PDE10A: variants seen among roughly 807,000 people sequenced by gnomAD.
The protein encoded by PDE10A is cAMP and cAMP-inhibited cGMP 3',5'-cyclic phosphodiesterase 10A.
Under a neutral mutation model 97.7 loss-of-function variants are expected in PDE10A, and 39 were observed. That is an observed-to-expected ratio of 0.40 (90% CI 0.31 to 0.52). The LOEUF (loss-of-function observed/expected upper bound fraction) is 0.52. Among genes scored for constraint, PDE10A ranks in the 20% least tolerant of loss-of-function variants. The pLI, the probability that PDE10A is intolerant of heterozygous loss-of-function variation, is 0.56. For synonymous variants in PDE10A, 371 were observed against 376.8 expected (o/e 0.98, Z 0.18); for missense variants, 731 against 1,047.8 (o/e 0.70, Z 4.17).
At position 165,661,676 on chromosome 6, in the gene PDE10A, C is replaced by T. The variant is rs1180468370; in HGVS notation, c.865+271G>A. ...AGGAGGCGGCAGGTCCCGCTCGCAA[C>T]GTCCAAGCTCCCGCCGCCCTCCCGA... On this transcript the variant is annotated intron_variant, in intron 1 of 21. Transcript: ENST00000539869. The surrounding 1 kb of genome is among the most constrained non-coding windows in gnomAD (Gnocchi z 4.8). The T allele has an allele frequency of 2.4e-6, 1 of 419,812 alleles. No homozygotes were observed. Among genetic ancestry groups the T allele is most frequent in the Non-Finnish European group, 4.2e-6 (1 of 239,362 alleles). The allele number at this position is 419,812 out of a possible 1,614,324, so 26.0% of individuals were successfully genotyped here. A position where few individuals can be genotyped will look rare whatever the true frequency, so the allele number is the denominator to read the frequency against.
At chr6:165,855,014 A>C (rs1043204850) in intron 1 of PDE10A, among the ~76,000 whole-genome samples, 1 of 151,636 alleles carries the variant, frequency 6.6e-6, no homozygotes, top group Non-Finnish European at 1.5e-5. Flanking sequence ...TGAATGAATG[A>C]ATGAATGAAT....
intron 1 of PDE10A, among the ~76,000 whole-genome samples, chr6:165,943,247 G>GA (rs1362421412): frequency 9.8e-4 from 74 of 75,356 alleles, no homozygotes; most frequent in Non-Finnish European, 1.2e-3. Flanking sequence ...AGGAAGGAAG[G>GA]AAGGAAGGAA....
intron 1 of PDE10A, among the ~76,000 whole-genome samples, chr6:165,813,097 C>T (rs1347759667): frequency 6.6e-6 from 1 of 152,134 alleles, no homozygotes; most frequent in Non-Finnish European, 1.5e-5. Context: ...ACACGCTTGT[C>T]CTTTGCTATT....
At chr6:165,806,252 T>C (rs1779135895) in intron 1 of PDE10A, among the ~76,000 whole-genome samples, 1 of 152,070 alleles carries the variant, frequency 6.6e-6, no homozygotes, top group African/African-American at 2.4e-5. Flanking sequence ...TGTGTAAATA[T>C]GGAAACCCCC....
intron 1 of PDE10A, among the ~76,000 whole-genome samples, chr6:165,970,977 G>A (rs1165712252): frequency 4.6e-5 from 7 of 152,072 alleles, no homozygotes; most frequent in South Asian, 2.1e-4. Flanking sequence ...GCAAAGCCCC[G>A]TCTCTACTAA....
chr6:165,385,019 A>G (rs1785201213), intron 17 of PDE10A, among the ~76,000 whole-genome samples: 1 of 152,210 alleles, frequency 6.6e-6, no homozygotes, highest in Non-Finnish European at 1.5e-5. Flanking sequence ...TCTTTTGTGG[A>G]TAAACAGAAG....
chr6:165,972,875 T>A (rs529146105), intron 1 of PDE10A, among the ~76,000 whole-genome samples: 4 of 152,170 alleles, frequency 2.6e-5, no homozygotes, highest in African/African-American at 4.8e-5. Context: ...AAAAAATGTG[T>A]TTGACAAGAG....
At chr6:165,942,749 AGTGTGCT>A (rs1287291143) in intron 1 of PDE10A, among the ~76,000 whole-genome samples, 1 of 152,120 alleles carries the variant, frequency 6.6e-6, no homozygotes, top group Non-Finnish European at 1.5e-5. Context: ...TAACCTCGAC[AGTGTGCT>A]GGTAGGTATT....
chr6:165,807,570 G>C (rs1779173408), intron 1 of PDE10A, among the ~76,000 whole-genome samples: 1 of 152,114 alleles, frequency 6.6e-6, no homozygotes, highest in South Asian at 2.1e-4. Flanking sequence ...TGAGAATTGT[G>C]GCTAATGGAA....
intron 5 of PDE10A, among the ~76,000 whole-genome samples, 178 bp from the exon 6 acceptor site, chr6:165,435,555 A>G (rs898025843): frequency 2.0e-5 from 3 of 152,246 alleles, no homozygotes; most frequent in Non-Finnish European, 4.4e-5. Flanking sequence ...ACTATCTCAC[A>G]TTTCCACTTC....
chr6:165,398,104 G>C (rs1786320505), intron 13 of PDE10A, among the ~76,000 whole-genome samples: 1 of 152,056 alleles, frequency 6.6e-6, no homozygotes, highest in African/African-American at 2.4e-5. Flanking sequence ...TACTTTTGGA[G>C]ATAATGATCT....
At chr6:165,850,479 C>A (rs545787368) in intron 1 of PDE10A, among the ~76,000 whole-genome samples, 4 of 152,252 alleles carry the variant, frequency 2.6e-5, no homozygotes, top group African/African-American at 7.2e-5. Flanking sequence ...GTATATTGTA[C>A]CCCTCACACA....
chr6:165,844,368 T>A (rs1780348579), intron 1 of PDE10A, among the ~76,000 whole-genome samples: 1 of 152,202 alleles, frequency 6.6e-6, no homozygotes, highest in South Asian at 2.1e-4. Flanking sequence ...ACAGCGAGCC[T>A]TTCTCATGAA....
chr6:165,424,801 T>C (rs1018872738), intron 10 of PDE10A, among the ~76,000 whole-genome samples: 2 of 152,192 alleles, frequency 1.3e-5, no homozygotes, highest in Admixed American at 6.5e-5. Flanking sequence ...CATTGAGTAA[T>C]AATACAATTG....
At chr6:165,407,544 A>G (rs116848364) in intron 13 of PDE10A, among the ~76,000 whole-genome samples, 13 of 152,356 alleles carry the variant, frequency 8.5e-5, no homozygotes, top group Non-Finnish European at 1.8e-4. Flanking sequence ...TCATCTTTAT[A>G]TCCACCATCT....
chr6:165,552,513 G>A (rs116063955), intron 1 of PDE10A, among the ~76,000 whole-genome samples: 2,031 of 152,328 alleles, frequency 0.013, 42 homozygotes, highest in African/African-American at 0.045. Context: ...AACATGCCAG[G>A]CAGAGGGTGT....
intron 17 of PDE10A, among the ~76,000 whole-genome samples, chr6:165,385,434 C>G (rs2128210970): frequency 6.6e-6 from 1 of 152,238 alleles, no homozygotes; most frequent in Middle Eastern, 3.4e-3. Context: ...ACTGTCAGAG[C>G]CACAGGTGTG....
At chr6:165,941,510 A>C (rs891753152) in intron 1 of PDE10A, among the ~76,000 whole-genome samples, 1 of 152,168 alleles carries the variant, frequency 6.6e-6, no homozygotes, top group Admixed American at 6.5e-5. Flanking sequence ...TTGAATTTTA[A>C]TCTGCAACAT....
chr6:165,699,870 T>C (rs767733358), intron 1 of PDE10A, among the ~76,000 whole-genome samples: 4 of 152,056 alleles, frequency 2.6e-5, no homozygotes, highest in Non-Finnish European at 4.4e-5. Context: ...ATACTTATAT[T>C]AGTAAAGAAG....
Sources: gnomAD v4.1 joint callset for allele counts (sites outside exome capture counted in the v4.1 genomes callset) on GRCh38, gnomAD v4.1.1 for gene constraint, Gnocchi (gnomAD v3.1) non-coding constraint, MANE v1.5 for transcripts, NCBI Gene and HGNC (gene_info 2026-07-23, HGNC 2026-07-21) for gene names.